Variants in SUOX observed in about 807,000 individuals in gnomAD.
The protein encoded by SUOX is sulfite oxidase, also known as sulfite oxidase, mitochondrial.
SUOX carries 39 observed loss-of-function variants against 41.9 expected under a neutral mutation model. The ratio of observed to expected loss-of-function variants is 0.93; its 90% CI spans 0.72 to 1.21. The LOEUF (loss-of-function observed/expected upper bound fraction) is 1.21, where lower values mean the gene tolerates loss of function less well. Ranked by LOEUF, SUOX falls within the 50% of genes most tolerant of loss-of-function variation. The pLI is 0.00. For synonymous variants in SUOX, 220 were observed against 268.4 expected, an observed-to-expected ratio of 0.82 and a Z score of 1.76; for missense variants, 633 against 689.5, an observed-to-expected ratio of 0.92 and a Z score of 0.92.
rs1430674609 is a variant in SUOX at position 56,004,802 on chromosome 12, G to A, written c.1413G>A (p.Gln471=). Residue 471 remains glutamine (Q), a synonymous_variant, in exon 5 of 5, where the codon CAG becomes CAA. Transcript: ENST00000266971. This position sits in a 1 kb window ranked among gnomAD's most constrained non-coding sequence, Gnocchi z 4.5. ...DVSLDGGLTW[Q]VAKLDGEEQR... The stretch of plus-strand genomic sequence containing the variant: ...CTCTGGATGGGGGCCTAACCTGGCA[G>A]GTGGCTAAGCTGGATGGAGAGGAAC... 3.7e-6 allele frequency: 6 copies of A among 1,614,048 alleles called. No individual in the cohort carries two copies. The African/African-American group carries it at 5.3e-5, about 14-fold the overall frequency.
Position 56,003,972 on chromosome 12 carries a change from A to G in SUOX, c.583A>G (p.Asn195Asp). The G allele has an allele frequency of 6.2e-7, 1 of 1,614,078 alleles. No individual in the cohort carries two copies. The part of the protein sequence containing the change: ...ALKVNSQRPF[N>D]AEPPPELLTE... ...GAAGGTCAACAGCCAGCGGCCCTTT[A>G]ATGCAGAGCCTCCCCCTGAGCTGCT... is the stretch of plus-strand genomic sequence containing the variant. The change falls in exon 5 of 5, where the codon AAT becomes GAT. Residue 195 changes from asparagine (N) to aspartate (D), a missense_variant. Transcript: ENST00000266971.
rs761234008 is a variant in SUOX, at chr12:56,002,735, T to G, written c.228+15T>G. 6 of 1,613,636 alleles carry G rather than the reference T, an allele frequency of 3.7e-6. No individual in the cohort carries two copies. Among genetic ancestry groups the G allele is most frequent in the Non-Finnish European group, 5.1e-6 (6 of 1,179,890 alleles). On this transcript the variant is annotated intron_variant, in intron 4 of 4. Coordinates refer to ENST00000266971, the MANE Select transcript of SUOX (RefSeq NM_001032386.2). Reference sequence around the variant, plus strand: ...ATCGGTGTAGGGTAAGTAGGGAAAGTGCTTCATTGTCAGAACAGACTGGGT... The same window carrying G: ...ATCGGTGTAGGGTAAGTAGGGAAAGGGCTTCATTGTCAGAACAGACTGGGT...
chr12:56,001,784 T>C (rs1241390311), intron 2 of SUOX: 1 of 386,432 alleles, frequency 2.6e-6, no homozygotes, highest in Admixed American at 5.3e-5. Context: ...TACTTTTTTT[T>C]CACTTTTTTA....
chr12:56,005,205 C>A lies in SUOX; in HGVS notation c.*178C>A, dbSNP rs997924262. 5.8e-6 allele frequency: 4 copies of A among 695,466 alleles called. No individual in the cohort carries two copies. Among genetic ancestry groups the A allele is most frequent in the Non-Finnish European group, 9.9e-6 (4 of 406,038 alleles). The allele number at this position is 695,466 out of a possible 1,614,324, so 43.1% of individuals were successfully genotyped here. On this transcript the variant is annotated 3_prime_UTR_variant, in exon 5 of 5. Transcript: ENST00000266971. Reference sequence around the variant, plus strand: ...CCCTCTTTGGACACTATGTTACATACCCCTCTTGGCCTTTGAACCTGTGCC... The same window carrying A: ...CCCTCTTTGGACACTATGTTACATAACCCTCTTGGCCTTTGAACCTGTGCC...
Position 56,003,689 on chromosome 12 carries a change from C to T in SUOX, c.300C>T (p.Ile100=), listed in dbSNP as rs766077992. ...VSSHTSPETG[I]WVTLGSEVFD... ...CCCACACCAGCCCTGAGACTGGGAT[C>T]TGGGTGACTCTGGGCTCTGAGGTCT... Residue 100 remains isoleucine, a synonymous_variant, in exon 5 of 5, where the codon ATC becomes ATT. Coordinates refer to ENST00000266971, the MANE Select transcript of SUOX (RefSeq NM_001032386.2). 10 of 1,613,364 alleles carry T rather than the reference C, an allele frequency of 6.2e-6. No homozygotes were observed. Among genetic ancestry groups the T allele is most frequent in the African/African-American group, 1.3e-5 (1 of 75,030 alleles).
At chr12:56,001,018 A>T (rs1890500617) in intron 2 of SUOX, among the ~76,000 whole-genome samples, 1 of 151,326 alleles carries the variant, frequency 6.6e-6, no homozygotes, top group African/African-American at 2.4e-5. Context: ...ATCTCCTGAC[A>T]TCGTGATCTG....
Position 56,005,163 on chromosome 12 carries a change from T to C in SUOX, c.*136T>C. On this transcript the variant is annotated 3_prime_UTR_variant, in exon 5 of 5. Coordinates refer to ENST00000266971, the MANE Select transcript of SUOX (RefSeq NM_001032386.2). Reference sequence around the variant, plus strand: ...CATACCCAAGTACACATATAGCACATTTCACCCAAGGACCTTCCCTCTTTG... The same window carrying C: ...CATACCCAAGTACACATATAGCACACTTCACCCAAGGACCTTCCCTCTTTG... 2 of 989,000 alleles carry C rather than the reference T, an allele frequency of 2.0e-6. No individual in the cohort carries two copies. The highest frequency in any genetic ancestry group is 3.1e-6 in the Non-Finnish European group (2 of 646,254). 61.3% of individuals were successfully genotyped at this position (989,000 alleles called of 1,614,324 possible).
chr12:56,005,014 A>G lies in SUOX; in HGVS notation c.1625A>G (p.Tyr542Cys), dbSNP rs781086225. The G allele has an allele frequency of 5.6e-6, 9 of 1,611,802 alleles. No individual in the cohort carries two copies. The highest frequency in any genetic ancestry group is 1.7e-5 in the Admixed American group (1 of 59,990). Residue 542 changes from tyrosine (Y) to cysteine (C), a missense_variant, in exon 5 of 5, where the codon TAT becomes TGT. By Grantham distance (194) the Tyr-to-Cys change is radical. Coordinates refer to ENST00000266971, the MANE Select transcript of SUOX (RefSeq NM_001032386.2). Reference sequence around the variant, plus strand: ...AATGCCTGGCATCGTGTCCATGTCTATGTCTCCCCATGAGCATGGAAAGGA... The same window carrying G: ...AATGCCTGGCATCGTGTCCATGTCTGTGTCTCCCCATGAGCATGGAAAGGA... ...LSNAWHRVHV[Y>C]VSP
chr12:56,004,277 A>C lies in SUOX; in HGVS notation c.888A>C (p.Ala296=), dbSNP rs1204632634. Residue 296 remains alanine (A), a synonymous_variant, in exon 5 of 5, where the codon GCA becomes GCC. Transcript: ENST00000266971. The surrounding 1 kb of genome is among the most constrained non-coding windows in gnomAD (Gnocchi z 4.5). The part of the protein sequence containing the change: ...GAISTARWAG[A]RLCDVLAQAG... ...TCAGCACTGCACGCTGGGCTGGGGCACGGCTCTGTGATGTGTTAGCCCAGG... is the reference window on the plus strand; with the variant it reads ...TCAGCACTGCACGCTGGGCTGGGGCCCGGCTCTGTGATGTGTTAGCCCAGG... 6.2e-7 allele frequency: 1 copy of C among 1,614,074 alleles called. No individual in the cohort carries two copies. The highest frequency in any genetic ancestry group is 1.1e-5 in the South Asian group (1 of 91,092).
At chr12:55,998,538 T>A (rs904332963) in intron 2 of SUOX, among the ~76,000 whole-genome samples, 17 of 151,586 alleles carry the variant, frequency 1.1e-4, no homozygotes, top group Admixed American at 7.9e-4. Context: ...AGCAAGACCC[T>A]GTCAGGGGCA....
At position 56,004,581 on chromosome 12, in the gene SUOX, C is replaced by T. The variant is rs753541539; in HGVS notation, c.1192C>T (p.Arg398Trp). ...GGAAAGTTACAGCCACTGGCAACGGCGGGATTACAAAGGCTTCTCTCCATC... is the reference window on the plus strand; with the variant it reads ...GGAAAGTTACAGCCACTGGCAACGGTGGGATTACAAAGGCTTCTCTCCATC... ...PEESYSHWQR[R>W]DYKGFSPSVD... Residue 398 changes from arginine (R) to tryptophan (W), a missense_variant, in exon 5 of 5, where the codon CGG (arginine) becomes TGG (tryptophan). Arg to Trp is a moderately radical substitution (Grantham distance 101). Transcript: ENST00000266971. The surrounding 1 kb of genome is among the most constrained non-coding windows in gnomAD (Gnocchi z 4.5). 15 of 1,614,018 alleles carry T rather than the reference C, an allele frequency of 9.3e-6. No individual in the cohort carries two copies. Among genetic ancestry groups the T allele is most frequent in the African/African-American group, 8.0e-5 (6 of 74,894 alleles).
At position 55,998,283 on chromosome 12, in the gene SUOX, C is replaced by G. The variant is rs146069531; in HGVS notation, c.-11+560C>G. ...TGAGGCTGGGAGTGGTGGCTCATGC[C>G]TGTAATAATCCCAGGACTTTGTGAG... On this transcript the variant is annotated intron_variant, in intron 2 of 4. Coordinates refer to ENST00000266971, the MANE Select transcript of SUOX (RefSeq NM_001032386.2). Among the ~76,000 whole-genome samples, 132 of 151,630 alleles carry G rather than the reference C, an allele frequency of 8.7e-4. 1 individual carries two copies. The highest frequency in any genetic ancestry group is 3.1e-3 in the African/African-American group (129 of 41,234).
chr12:56,002,948 A>C (rs1592827393), intron 4 of SUOX: 5 of 487,672 alleles, frequency 1.0e-5, no homozygotes, highest in South Asian at 2.2e-5. Context: ...AATCACTTAA[A>C]CCCAGGAGGC....
At position 56,001,903 on chromosome 12, in the gene SUOX, T is replaced by G. The variant is rs762452942; in HGVS notation, c.-10-309T>G. ...TCCTTTAGGCCCTTCGCCCCAGGCA[T>G]CGTTCTCTATGGTGGACAAAGTTCA... On this transcript the variant is annotated intron_variant, in intron 2 of 4. Coordinates refer to ENST00000266971, the MANE Select transcript of SUOX (RefSeq NM_001032386.2). 49 of 1,251,162 alleles carry G rather than the reference T, an allele frequency of 3.9e-5. No homozygotes were observed. In the South Asian group the frequency reaches 5.0e-4, roughly 13 times the overall value. 77.5% of individuals were successfully genotyped at this position (1,251,162 alleles called of 1,614,324 possible).
At chr12:55,999,480 G>C (rs1025209857) in intron 2 of SUOX, 1 of 156,156 alleles carries the variant, frequency 6.4e-6, no homozygotes, top group Non-Finnish European at 1.4e-5. Flanking sequence ...AGTTCTTAAA[G>C]GCAGCGTGTC....
rs905725782 is a variant in SUOX, at chr12:56,004,623, G to A, written c.1234G>A (p.Val412Ile). ...GFSPSVDWET[V>I]DFDSAPSIQE... ...CTCTCCATCTGTGGACTGGGAGACT[G>A]TAGATTTTGACTCTGCTCCATCCAT... Residue 412 changes from valine to isoleucine, a missense_variant, in exon 5 of 5, where the codon GTA (valine) becomes ATA (isoleucine). By Grantham distance (29) the Val-to-Ile change is conservative (BLOSUM62 3). Coordinates refer to ENST00000266971, the MANE Select transcript of SUOX (RefSeq NM_001032386.2). The surrounding 1 kb of genome is among the most constrained non-coding windows in gnomAD (Gnocchi z 4.5). 6 of 1,614,098 alleles carry A rather than the reference G, an allele frequency of 3.7e-6. No individual in the cohort carries two copies. The highest frequency in any genetic ancestry group is 2.7e-5 in the African/African-American group (2 of 74,920).
rs571768278 is a variant in SUOX at position 56,002,480 on chromosome 12, C to T, written c.51-63C>T. 6 of 1,605,710 alleles carry T rather than the reference C, an allele frequency of 3.7e-6. No homozygotes were observed. The South Asian group carries it at 6.6e-5, about 18-fold the overall frequency. On this transcript the variant is annotated intron_variant, in intron 3 of 4. Coordinates refer to ENST00000266971, the MANE Select transcript of SUOX (RefSeq NM_001032386.2). Reference sequence around the variant, plus strand: ...GCCAACCAGGGAGAAAGAAGTAGACCCCAAGCCTTCACTAGCCCTTTCACA... The same window carrying T: ...GCCAACCAGGGAGAAAGAAGTAGACTCCAAGCCTTCACTAGCCCTTTCACA...
At position 56,002,676 on chromosome 12, in the gene SUOX, T is replaced by C; in HGVS notation, c.184T>C (p.Leu62=). The C allele has an allele frequency of 6.2e-7, 1 of 1,614,042 alleles. No homozygotes were observed. Among genetic ancestry groups the C allele is most frequent in the Non-Finnish European group, 8.5e-7 (1 of 1,179,990 alleles). ...TQGWRVMGTL[L]GLGAVLAYQD... ...GGGATGGAGAGTCATGGGGACCCTA[T>C]TAGGTCTCGGTGCAGTGTTGGCCTA... is the stretch of plus-strand genomic sequence containing the variant. The change falls in exon 4 of 5, where the codon TTA becomes CTA. Residue 62 remains leucine, a synonymous_variant. Coordinates refer to ENST00000266971, the MANE Select transcript of SUOX (RefSeq NM_001032386.2).
rs747822413 is a variant in SUOX, at chr12:56,003,706, C to T, written c.317C>T (p.Ser106Phe). 4 of 1,613,070 alleles carry T rather than the reference C, an allele frequency of 2.5e-6. No individual in the cohort carries two copies. The South Asian group carries it at 4.4e-5, about 18-fold the overall frequency. ...PETGIWVTLG[S>F]EVFDVTEFVD... ...ACTGGGATCTGGGTGACTCTGGGCT[C>T]TGAGGTCTTTGATGTCACAGAATTT... The change falls in exon 5 of 5, where the codon TCT becomes TTT. Residue 106 changes from serine to phenylalanine, a missense_variant. Transcript: ENST00000266971.
Sources: allele counts gnomAD v4.1 joint callset (sites outside exome capture counted in the v4.1 genomes callset), GRCh38; gene constraint gnomAD v4.1.1; non-coding constraint Gnocchi (gnomAD v3.1); transcripts MANE v1.5; gene names NCBI Gene and HGNC (gene_info 2026-07-23, HGNC 2026-07-21).